AK8: variants seen among roughly 807,000 people sequenced by gnomAD.
AK8 encodes ATP-AMP transphosphorylase 8.
A neutral mutation model predicts 54.6 loss-of-function variants in AK8; 44 were observed. The ratio of observed to expected loss-of-function variants is 0.81; its 90% CI spans 0.63 to 1.04. The LOEUF (loss-of-function observed/expected upper bound fraction) is 1.04. AK8 is among the 50% of genes least tolerant of loss of function. The probability of loss-of-function intolerance (pLI) is 0.00; values close to 1 mark genes in which losing one functional copy is unlikely to be tolerated. For synonymous variants in AK8, 239 were observed against 245.6 expected (o/e 0.97, Z 0.25); for missense variants, 555 against 613.6 (o/e 0.90, Z 1.01).
chr9:132,845,904 T>TA (rs11425178), intron 5 of AK8, among the ~76,000 whole-genome samples: 85,318 of 151,946 alleles, frequency 0.56, 26,612 homozygotes, highest in East Asian at 0.8. Context: ...AGAAATTTTT[T>TA]AAAAATCACG....
At position 132,781,741 on chromosome 9, in the gene AK8, A is replaced by T. The variant is rs80103898; in HGVS notation, c.1121+10893T>A. Among the ~76,000 whole-genome samples, 2,911 of 152,276 alleles carry T rather than the reference A, an allele frequency of 0.019. 92 individuals carry two copies. Among genetic ancestry groups the T allele is most frequent in the African/African-American group, 0.066 (2,760 of 41,532 alleles). On this transcript the variant is annotated intron_variant, in intron 11 of 12. Coordinates refer to ENST00000298545, the MANE Select transcript of AK8 (RefSeq NM_152572.3). The surrounding 1 kb of genome is among the most constrained non-coding windows in gnomAD (Gnocchi z 4.6). ...TCAAAAACAGCAACACCACAGCTAG[A>T]GTGTTTTATAATTGGCATCACAACC...
chr9:132,864,715 G>A (rs1034736745), intron 3 of AK8, among the ~76,000 whole-genome samples: 6 of 152,334 alleles, frequency 3.9e-5, no homozygotes, highest in Admixed American at 2.0e-4. Flanking sequence ...GCCTGACCTC[G>A]ACAGAGAGGA....
At chr9:132,739,321 A>T (rs1837258226) in intron 11 of AK8, among the ~76,000 whole-genome samples, 2 of 151,548 alleles carry the variant, frequency 1.3e-5, no homozygotes, top group Non-Finnish European at 2.9e-5. Context: ...AGATGCCTGT[A>T]ATCCCAGCTA....
chr9:132,864,243 A>C (rs1272574253), intron 3 of AK8, among the ~76,000 whole-genome samples: 1 of 152,234 alleles, frequency 6.6e-6, no homozygotes, highest in Non-Finnish European at 1.5e-5. Flanking sequence ...ATAGTCTATA[A>C]GGGAAGAGTA....
chr9:132,738,089 T>C (rs1315576219), intron 11 of AK8, among the ~76,000 whole-genome samples: 2 of 152,046 alleles, frequency 1.3e-5, no homozygotes, highest in African/African-American at 4.8e-5. Flanking sequence ...AGTCTCACTC[T>C]GTCGCCCAGG....
chr9:132,869,262 G>A (rs892644258), intron 2 of AK8, among the ~76,000 whole-genome samples: 1 of 152,178 alleles, frequency 6.6e-6, no homozygotes, highest in Non-Finnish European at 1.5e-5. Context: ...TGCACAGGCT[G>A]GGGAGCCAGG....
intron 11 of AK8, among the ~76,000 whole-genome samples, chr9:132,780,868 G>A (rs574548002): frequency 1.2e-4 from 19 of 152,142 alleles, no homozygotes; most frequent in African/African-American, 4.1e-4. Context: ...ATCCTTTTCC[G>A]GGGATTTCTG....
chr9:132,853,222 G>T (rs1843037918), intron 5 of AK8, among the ~76,000 whole-genome samples: 1 of 151,788 alleles, frequency 6.6e-6, no homozygotes, highest in Non-Finnish European at 1.5e-5. Flanking sequence ...GCCAGGCATG[G>T]TGACGCATGC....
intron 11 of AK8, among the ~76,000 whole-genome samples, chr9:132,782,337 GTGAT>G (rs1463696151): frequency 1.3e-5 from 2 of 152,086 alleles, no homozygotes; most frequent in African/African-American, 2.4e-5. Flanking sequence ...CTTCTTTAAA[GTGAT>G]TGTTCTGCAT....
At chr9:132,780,530 C>T (rs1190389858) in intron 11 of AK8, among the ~76,000 whole-genome samples, 1 of 152,222 alleles carries the variant, frequency 6.6e-6, no homozygotes, top group Non-Finnish European at 1.5e-5. Context: ...CTGTCACTGC[C>T]TTTCCAGGGA....
chr9:132,737,427 C>T (rs1388584295), intron 11 of AK8, among the ~76,000 whole-genome samples: 1 of 152,178 alleles, frequency 6.6e-6, no homozygotes, highest in African/African-American at 2.4e-5. Flanking sequence ...CAGACAAAGA[C>T]ATTAAAACTA....
At chr9:132,772,100 C>G (rs908744618) in intron 11 of AK8, among the ~76,000 whole-genome samples, 1 of 152,176 alleles carries the variant, frequency 6.6e-6, no homozygotes, top group Non-Finnish European at 1.5e-5. Context: ...TCCCACAACA[C>G]GTGGGAATTC....
intron 11 of AK8, among the ~76,000 whole-genome samples, chr9:132,778,252 T>C (rs1264089637): frequency 6.6e-6 from 1 of 152,210 alleles, no homozygotes; most frequent in Admixed American, 6.5e-5. Context: ...ACCCGGGTTC[T>C]ATTAGCTCAA....
chr9:132,854,665 C>T (rs919388393), intron 5 of AK8, among the ~76,000 whole-genome samples, 192 bp downstream of exon 5: 3 of 152,238 alleles, frequency 2.0e-5, no homozygotes, highest in South Asian at 4.1e-4. Context: ...ACCGATACAA[C>T]GAATTCCACA....
At chr9:132,751,435 G>A (rs1045327985) in intron 11 of AK8, among the ~76,000 whole-genome samples, 1 of 147,584 alleles carries the variant, frequency 6.8e-6, no homozygotes, top group Non-Finnish European at 1.5e-5. Flanking sequence ...AGTTGTCTGC[G>A]AATTAAGTCT....
chr9:132,844,463 AATT>A (rs2131354300), intron 5 of AK8, among the ~76,000 whole-genome samples: 1 of 152,284 alleles, frequency 6.6e-6, no homozygotes, highest in South Asian at 2.1e-4. Context: ...AAATAATAAT[AATT>A]ACCATATAAA....
At chr9:132,878,579 G>C (rs1844267847), upstream of AK8, 2 of 1,120,880 alleles carry the variant, frequency 1.8e-6, no homozygotes, top group African/African-American at 3.2e-5. This position sits in a 1 kb window ranked among gnomAD's most constrained non-coding sequence, Gnocchi z 4.7. Context: ...CCTCCGAGGG[G>C]ACGGGAGGCA....
intron 11 of AK8, among the ~76,000 whole-genome samples, chr9:132,733,803 C>T (rs760403738): frequency 1.1e-4 from 16 of 152,192 alleles, no homozygotes; most frequent in Non-Finnish European, 1.8e-4. Context: ...GCAAAGAATA[C>T]TCAAAACAGG....
chr9:132,778,695 G>T (rs1315669330), intron 11 of AK8, among the ~76,000 whole-genome samples: 1 of 152,028 alleles, frequency 6.6e-6, no homozygotes, highest in African/African-American at 2.4e-5. Flanking sequence ...GGGAGCTCTG[G>T]CCTATAAACT....
Sources: gnomAD v4.1 joint callset for allele counts (sites outside exome capture counted in the v4.1 genomes callset) on GRCh38, gnomAD v4.1.1 for gene constraint, Gnocchi (gnomAD v3.1) non-coding constraint, MANE v1.5 for transcripts, NCBI Gene and HGNC (gene_info 2026-07-23, HGNC 2026-07-21) for gene names.